The following CACNA1A variants were observed in gnomAD, a reference collection of about 807,000 sequenced individuals.
The protein encoded by CACNA1A is calcium voltage-gated channel subunit alpha1 A.
A neutral mutation model predicts 262.4 loss-of-function variants in CACNA1A; 57 were observed. The ratio of observed to expected loss-of-function variants is 0.22; its 90% confidence interval spans 0.18 to 0.27. CACNA1A has a LOEUF of 0.27. CACNA1A is among the 10% of genes least tolerant of loss of function. CACNA1A has a pLI of 1.00. For missense variants in CACNA1A, 2,526 were observed against 3,562.8 expected (o/e 0.71, Z 7.41); for synonymous variants, 1,431 against 1,419.3 (o/e 1.01, Z -0.18).
intron 44 of CACNA1A, 82 bp downstream of exon 44, chr19:13,210,535 G>A: frequency 7.8e-7 from 1 of 1,276,786 alleles, no homozygotes; most frequent in Non-Finnish European, 1.1e-6. Context: ...GACGGTGAGA[G>A]ATGACGGGAC....
rs117032202 is a variant in CACNA1A at position 13,206,535 on chromosome 19, A to C, written c.*778T>G. 1 of 153,470 alleles carries C rather than the reference A, an allele frequency of 6.5e-6. No individual in the cohort carries two copies. Among genetic ancestry groups the C allele is most frequent in the Non-Finnish European group, 1.5e-5 (1 of 68,180 alleles). 9.5% of individuals were successfully genotyped at this position (153,470 alleles called of 1,614,324 possible). A position where few individuals can be genotyped will look rare whatever the true frequency, so the allele number is the denominator to read the frequency against. On this transcript the variant is annotated 3_prime_UTR_variant, in exon 47 of 47. Transcript: ENST00000360228. ...CACGGTTTTCAAACAAGGTAGGAAA[A>C]AAGGAAAAAAGAAGCAAAGGAATCG...
intron 6 of CACNA1A, among the ~76,000 whole-genome samples, chr19:13,355,906 C>T (rs2059000178): frequency 6.6e-6 from 1 of 152,198 alleles, no homozygotes; most frequent in Non-Finnish European, 1.5e-5. Flanking sequence ...TTCTTCCCAT[C>T]CAGTTGTGAC....
intron 24 of CACNA1A, among the ~76,000 whole-genome samples, chr19:13,269,905 C>T (rs1162362027): frequency 2.0e-5 from 3 of 152,188 alleles, no homozygotes; most frequent in Non-Finnish European, 4.4e-5. Context: ...GCCACAATCA[C>T]AGCACTGGGG....
At chr19:13,400,269 T>C (rs963107594) in intron 3 of CACNA1A, among the ~76,000 whole-genome samples, 1 of 152,170 alleles carries the variant, frequency 6.6e-6, no homozygotes, top group African/African-American at 2.4e-5. Context: ...TGATCATGTA[T>C]AACACTGCAC....
At chr19:13,403,607 G>C (rs1200446520) in intron 3 of CACNA1A, among the ~76,000 whole-genome samples, 1 of 152,020 alleles carries the variant, frequency 6.6e-6, no homozygotes, top group Non-Finnish European at 1.5e-5. Context: ...GTGTGGATAG[G>C]GCCAGGCTCA....
chr19:13,272,459 C>A (rs2057044897), intron 24 of CACNA1A: 2 of 152,316 alleles, frequency 1.3e-5, no homozygotes, highest in Admixed American at 6.6e-5. Flanking sequence ...CATTCCTCAT[C>A]AGAATGCAGG....
At chr19:13,398,482 T>A (rs1346955528) in intron 3 of CACNA1A, among the ~76,000 whole-genome samples, 1 of 152,144 alleles carries the variant, frequency 6.6e-6, no homozygotes, top group Admixed American at 6.5e-5. Flanking sequence ...CACTGATGGA[T>A]CTCTGGTGTC....
intron 19 of CACNA1A, among the ~76,000 whole-genome samples, chr19:13,292,936 C>T (rs983927812): frequency 6.6e-6 from 1 of 151,984 alleles, no homozygotes; most frequent in Non-Finnish European, 1.5e-5. Flanking sequence ...TCTCTCCCGG[C>T]CAGATTGTTT....
At chr19:13,339,368 T>G (rs2058636201) in intron 6 of CACNA1A, among the ~76,000 whole-genome samples, 1 of 151,938 alleles carries the variant, frequency 6.6e-6, no homozygotes, top group Non-Finnish European at 1.5e-5. Context: ...TGCCAAGGGC[T>G]GGGGGAGGGG....
chr19:13,383,146 G>A (rs768004692), intron 3 of CACNA1A, among the ~76,000 whole-genome samples: 13 of 152,226 alleles, frequency 8.5e-5, no homozygotes, highest in Admixed American at 1.3e-4. Flanking sequence ...CACGTACTAT[G>A]TGCCAGATAT....
At chr19:13,228,580 C>G (rs186436127) in intron 36 of CACNA1A, 880 of 238,404 alleles carry the variant, frequency 3.7e-3, no homozygotes, top group Middle Eastern at 8.3e-3. Context: ...AGAGAGATGG[C>G]TCTGTTTTTT....
At chr19:13,303,962 A>G in intron 15 of CACNA1A, 78 bp from the exon 16 acceptor site, 1 of 1,033,556 alleles carries the variant, frequency 9.7e-7, no homozygotes, top group Non-Finnish European at 1.5e-6. Flanking sequence ...GTGGAGCCGG[A>G]ATCCGCCCAC....
chr19:13,255,887 C>A (rs566067630), intron 28 of CACNA1A, among the ~76,000 whole-genome samples: 5 of 143,332 alleles, frequency 3.5e-5, no homozygotes, highest in East Asian at 2.1e-4. Context: ...TTCTTTCCTT[C>A]GCTCCCTTTC....
intron 3 of CACNA1A, among the ~76,000 whole-genome samples, chr19:13,377,334 CAAG>C (rs1408360605): frequency 2.0e-5 from 3 of 151,492 alleles, no homozygotes; most frequent in Non-Finnish European, 2.9e-5. Context: ...TGGGCATGTA[CAAG>C]AAGATGAATG....
intron 24 of CACNA1A, among the ~76,000 whole-genome samples, chr19:13,264,065 G>A (rs575412141): frequency 3.3e-5 from 5 of 152,262 alleles, no homozygotes; most frequent in African/African-American, 1.2e-4. Flanking sequence ...ATCTTTGCCA[G>A]AGAGGACTGC....
intron 3 of CACNA1A, among the ~76,000 whole-genome samples, chr19:13,420,096 A>G (rs1478249638): frequency 6.6e-6 from 1 of 151,952 alleles, no homozygotes; most frequent in Non-Finnish European, 1.5e-5. Flanking sequence ...AAAAATAAAA[A>G]TAAATTAAAA....
intron 1 of CACNA1A, among the ~76,000 whole-genome samples, chr19:13,476,215 C>A (rs921128854): frequency 6.6e-6 from 1 of 152,198 alleles, no homozygotes; most frequent in Non-Finnish European, 1.5e-5. Flanking sequence ...TGTTCCAGAA[C>A]AGATGGTGCT....
At chr19:13,424,178 AT>A (rs1429295517) in intron 3 of CACNA1A, among the ~76,000 whole-genome samples, 2 of 152,072 alleles carry the variant, frequency 1.3e-5, no homozygotes, top group Non-Finnish European at 2.9e-5. Flanking sequence ...GAGAAACCCC[AT>A]CTCTACTAAA....
intron 3 of CACNA1A, among the ~76,000 whole-genome samples, chr19:13,372,296 G>C (rs985940537): frequency 6.6e-6 from 1 of 152,116 alleles, no homozygotes; most frequent in Admixed American, 6.5e-5. Context: ...AGCCTCCCGA[G>C]TAGCTGGGAT....
Sources: allele counts gnomAD v4.1 joint callset (sites outside exome capture counted in the v4.1 genomes callset), GRCh38; gene constraint gnomAD v4.1.1; transcripts MANE v1.5; gene names NCBI Gene and HGNC (gene_info 2026-07-23, HGNC 2026-07-21).